Variants in PARP11 observed in about 807,000 individuals in gnomAD.
The protein encoded by PARP11 is poly(ADP-ribose) polymerase family member 11.
Under a neutral mutation model 42.9 loss-of-function variants are expected in PARP11, and 31 were observed. The observed-to-expected ratio is 0.72, with a 90% CI of 0.54 to 0.98. The LOEUF (loss-of-function observed/expected upper bound fraction) is 0.98, where lower values mean the gene tolerates loss of function less well. Among genes scored for constraint, PARP11 ranks in the 50% least tolerant of loss-of-function variants. The pLI is 0.00. For synonymous variants in PARP11, 137 were observed against 127.3 expected (o/e 1.08, Z -0.51); for missense variants, 365 against 413.1 (o/e 0.88, Z 1.01).
intron 1 of PARP11, chr12:3,842,208 GT>G: frequency 6.2e-7 from 1 of 1,607,668 alleles, no homozygotes; most frequent in Non-Finnish European, 8.5e-7. Context: ...GGCCAACTCT[GT>G]GGATAGCAGA....
chr12:3,816,729 T>C (rs1388885506), intron 6 of PARP11, among the ~76,000 whole-genome samples: 1 of 152,236 alleles, frequency 6.6e-6, no homozygotes, highest in East Asian at 1.9e-4. Flanking sequence ...AAGGAAATTC[T>C]GTCTCTACTA....
chr12:3,845,694 G>C (rs1048595163), intron 1 of PARP11, among the ~76,000 whole-genome samples: 1 of 152,136 alleles, frequency 6.6e-6, no homozygotes, highest in African/African-American at 2.4e-5. Context: ...ATGTCTAAAT[G>C]CTATTGTTTT....
At chr12:3,815,135 G>C (rs961474132) in intron 6 of PARP11, 3 of 437,922 alleles carry the variant, frequency 6.9e-6, no homozygotes, top group Middle Eastern at 3.3e-4. Context: ...CAAACTATTT[G>C]CTGCATTTTC....
chr12:3,841,453 T>C, intron 1 of PARP11: 2 of 1,369,098 alleles, frequency 1.5e-6, no homozygotes, highest in Middle Eastern at 1.8e-4. Flanking sequence ...TTAAAGTGAT[T>C]GTACCTGTAC....
At chr12:3,839,468 A>G in intron 1 of PARP11, 1 of 1,612,272 alleles carries the variant, frequency 6.2e-7, no homozygotes, top group Non-Finnish European at 8.5e-7. Flanking sequence ...CAGGTATTGC[A>G]CTCTCAGTCT....
intron 1 of PARP11, among the ~76,000 whole-genome samples, chr12:3,847,140 C>A (rs1948019227): frequency 6.6e-6 from 1 of 151,948 alleles, no homozygotes; most frequent in Admixed American, 6.6e-5. Flanking sequence ...AAAATTAAAC[C>A]TAAGCAAACC....
At chr12:3,872,888 T>C (rs1216631146) in intron 1 of PARP11, 29 of 665,872 alleles carry the variant, frequency 4.4e-5, no homozygotes, top group Non-Finnish European at 5.2e-5. Flanking sequence ...ATCACGCCAC[T>C]GCACTCCAGC....
At chr12:3,872,563 C>T (rs1031265475) in intron 1 of PARP11, 85 of 985,248 alleles carry the variant, frequency 8.6e-5, no homozygotes, top group Non-Finnish European at 1.0e-4. Context: ...CTCCAGATCA[C>T]TTTGTCCACC....
intron 1 of PARP11, among the ~76,000 whole-genome samples, chr12:3,865,553 A>T (rs1948375767): frequency 6.6e-6 from 1 of 152,138 alleles, no homozygotes; most frequent in Non-Finnish European, 1.5e-5. Context: ...GATGTCTAAA[A>T]TATCTAGGAT....
intron 1 of PARP11, among the ~76,000 whole-genome samples, chr12:3,849,971 GTATT>G (rs1301844435): frequency 1.3e-5 from 2 of 148,302 alleles, no homozygotes; most frequent in East Asian, 3.9e-4. Context: ...TTTTAAATAT[GTATT>G]TAATTTTAAA....
chr12:3,825,364 T>C (rs1947497291), intron 4 of PARP11, among the ~76,000 whole-genome samples: 1 of 152,248 alleles, frequency 6.6e-6, no homozygotes, highest in Non-Finnish European at 1.5e-5. Context: ...TGTTGTCCAC[T>C]GTTCTACCAT....
Position 3,829,882 on chromosome 12 carries a change from G to C in PARP11, c.147+8C>G, listed in dbSNP as rs780504414. The C allele has an allele frequency of 1.9e-6, 3 of 1,613,614 alleles. No homozygotes were observed. In the South Asian group the frequency reaches 3.3e-5, roughly 18 times the overall value. On this transcript the variant is annotated splice_region_variant and intron_variant, in intron 2 of 7. Coordinates refer to ENST00000228820, the MANE Select transcript of PARP11 (RefSeq NM_020367.6). Reference sequence around the variant, plus strand: ...AACACTTCTGCTAAATTAAAGGAAAGGAGGTACCTGAAACATGTGCCACTT... The same window carrying C: ...AACACTTCTGCTAAATTAAAGGAAACGAGGTACCTGAAACATGTGCCACTT...
At position 3,812,192 on chromosome 12, in the gene PARP11, C is replaced by G. The variant is rs201874770; in HGVS notation, c.948G>C (p.Trp316Cys). 1.2e-6 allele frequency: 2 copies of G among 1,614,026 alleles called. No individual in the cohort carries two copies. Among genetic ancestry groups the G allele is most frequent in the Non-Finnish European group, 1.7e-6 (2 of 1,179,992 alleles). The change falls in exon 8 of 8, where the codon TGG (tryptophan) becomes TGC (cysteine). Residue 316 changes from tryptophan (W) to cysteine (C), a missense_variant. By Grantham distance (215) the Trp-to-Cys change is radical (BLOSUM62 -2). Coordinates refer to ENST00000228820, the MANE Select transcript of PARP11 (RefSeq NM_020367.6). ...CAAAAACCACAAAGATCTTTGGGTT[C>G]CAGGTATCATCCACACAGCTGTCAT... ...NLYDSCVDDT[W>C]NPKIFVVFDA... is the part of the protein sequence containing the mutation.
At chr12:3,870,997 G>A (rs568434266) in intron 1 of PARP11, among the ~76,000 whole-genome samples, 25 of 152,180 alleles carry the variant, frequency 1.6e-4, no homozygotes, top group African/African-American at 5.8e-4. Flanking sequence ...AGTATTATAC[G>A]TATGAATCGA....
At chr12:3,825,964 C>T (rs1212625319) in intron 4 of PARP11, among the ~76,000 whole-genome samples, 194 bp downstream of exon 4, 7 of 152,064 alleles carry the variant, frequency 4.6e-5, no homozygotes, top group Non-Finnish European at 1.0e-4. Flanking sequence ...TCTCCTGACT[C>T]GTGATCAGGC....
intron 1 of PARP11, among the ~76,000 whole-genome samples, chr12:3,847,989 C>G (rs1007182940): frequency 2.0e-5 from 3 of 151,980 alleles, no homozygotes; most frequent in Admixed American, 1.3e-4. Flanking sequence ...AATCAACATA[C>G]AAAAATTAGT....
intron 1 of PARP11, among the ~76,000 whole-genome samples, chr12:3,854,026 T>C (rs1347126847): frequency 6.6e-6 from 1 of 152,192 alleles, no homozygotes; most frequent in Admixed American, 6.5e-5. Context: ...AATCTGCTCC[T>C]AAATGACTAC....
At chr12:3,832,162 A>T (rs1947655469) in intron 1 of PARP11, 1 of 972,974 alleles carries the variant, frequency 1.0e-6, no homozygotes, top group Non-Finnish European at 1.2e-6. Flanking sequence ...TTTCAGCAAC[A>T]TCCTTTCAGA....
intron 2 of PARP11, 39 bp from the exon 3 acceptor site, chr12:3,829,069 C>T: frequency 6.2e-7 from 1 of 1,610,836 alleles, no homozygotes; most frequent in South Asian, 1.1e-5. Flanking sequence ...ACCAGCTGTT[C>T]ACATTAATGA....
Sources: allele counts gnomAD v4.1 joint callset (sites outside exome capture counted in the v4.1 genomes callset), GRCh38; gene constraint gnomAD v4.1.1; transcripts MANE v1.5; gene names NCBI Gene and HGNC (gene_info 2026-07-23, HGNC 2026-07-21).